The following TESC variants were observed in gnomAD, a reference collection of about 807,000 sequenced individuals.
TESC encodes tescalcin, also known as calcineurin B homologous protein 3.
Under a neutral mutation model 31.0 loss-of-function variants are expected in TESC, and 19 were observed. The observed-to-expected ratio is 0.61, with a 90% CI of 0.43 to 0.90. The LOEUF is 0.90. Ranked by LOEUF, TESC falls within the 40% of genes least tolerant of loss-of-function variation. TESC has a pLI of 0.00. For missense variants in TESC, 248 were observed against 303.8 expected (o/e 0.82, Z 1.36); for synonymous variants, 109 against 114.8 (o/e 0.95, Z 0.32).
intron 3 of TESC, among the ~76,000 whole-genome samples, chr12:117,055,692 G>A (rs939175135): frequency 8.5e-5 from 13 of 152,222 alleles, no homozygotes; most frequent in African/African-American, 3.1e-4. Flanking sequence ...CCGCCATGCT[G>A]TGGGCAGCTC....
chr12:117,055,344 T>C (rs1248274750), intron 3 of TESC, among the ~76,000 whole-genome samples: 3 of 152,140 alleles, frequency 2.0e-5, no homozygotes, highest in Non-Finnish European at 4.4e-5. Context: ...GGTTTCACCA[T>C]GTTGACCTGG....
chr12:117,069,164 T>A (rs555588684), intron 2 of TESC, among the ~76,000 whole-genome samples: 1 of 152,186 alleles, frequency 6.6e-6, no homozygotes, highest in South Asian at 2.1e-4. Flanking sequence ...TGCTTTGTGG[T>A]CTGGATGAAT....
chr12:117,081,469 C>T (rs1593020070), intron 1 of TESC, among the ~76,000 whole-genome samples: 1 of 152,172 alleles, frequency 6.6e-6, no homozygotes, highest in African/African-American at 2.4e-5. Flanking sequence ...GATTACACCT[C>T]ACATTATTAT....
chr12:117,096,903 C>T lies in TESC; in HGVS notation c.58+2322G>A, dbSNP rs12320289. On this transcript the variant is annotated intron_variant, in intron 1 of 7. Transcript: ENST00000335209. ...ATGCCCTTTCCACTGATTTGCACAC[C>T]CCTGGCTCATTCTTACTTGGATTTC... Among the ~76,000 whole-genome samples, 708 of 152,270 alleles carry T rather than the reference C, an allele frequency of 4.6e-3. 4 individuals carry two copies. The highest frequency in any genetic ancestry group is 0.016 in the African/African-American group (658 of 41,546).
chr12:117,057,174 G>A (rs1166447358), intron 2 of TESC, among the ~76,000 whole-genome samples: 1 of 151,750 alleles, frequency 6.6e-6, no homozygotes, highest in Admixed American at 6.6e-5. Flanking sequence ...ATCATAGCTC[G>A]CTGCAGCCTT....
chr12:117,043,328 GCTCT>G (rs1201266426), intron 6 of TESC, among the ~76,000 whole-genome samples: 2 of 151,962 alleles, frequency 1.3e-5, no homozygotes, highest in African/African-American at 4.8e-5. Context: ...GAGGCTCAAA[GCTCT>G]CTCTGTGACT....
rs1298227865 is a variant in TESC at position 117,075,930 on chromosome 12, T to TAC, written c.59-591_59-590insGT. On this transcript the variant is annotated intron_variant, in intron 1 of 7. Coordinates refer to ENST00000335209, the MANE Select transcript of TESC (RefSeq NM_017899.4). ...ATATATATATGTGTGTGTGTATATATATATATATATGTATATATACATATA... is the reference window on the plus strand; with the variant it reads ...ATATATATATGTGTGTGTGTATATATACATATATATATGTATATATACATATA... 6.4e-3 allele frequency among the ~76,000 whole-genome samples: 723 copies of TAC among 113,228 alleles called. 39 individuals carry two copies. Among genetic ancestry groups the TAC allele is most frequent in the African/African-American group, 0.029 (685 of 23,700 alleles). 74.3% of individuals were successfully genotyped at this position (113,228 alleles called of 152,430 possible).
At chr12:117,074,343 G>A (rs1205527179) in intron 2 of TESC, among the ~76,000 whole-genome samples, 2 of 152,142 alleles carry the variant, frequency 1.3e-5, no homozygotes, top group African/African-American at 4.8e-5. Context: ...ACTCCAGCCT[G>A]GGCAACGGAG....
intron 1 of TESC, among the ~76,000 whole-genome samples, chr12:117,088,137 C>A (rs1229515164): frequency 6.6e-6 from 1 of 151,970 alleles, no homozygotes; most frequent in Non-Finnish European, 1.5e-5. Context: ...AGGCTGTATG[C>A]CCAAACTGAG....
chr12:117,093,693 G>T (rs1428128317), intron 1 of TESC, among the ~76,000 whole-genome samples: 4 of 152,220 alleles, frequency 2.6e-5, no homozygotes, highest in African/African-American at 9.6e-5. Context: ...CGGATACGCT[G>T]CCTGGCTCAG....
intron 2 of TESC, among the ~76,000 whole-genome samples, chr12:117,058,092 C>T (rs1450041723): frequency 6.6e-6 from 1 of 152,062 alleles, no homozygotes; most frequent in Non-Finnish European, 1.5e-5. Context: ...TGGTGGCGCA[C>T]ATCTGTAATC....
At chr12:117,074,061 C>T (rs374478729) in intron 2 of TESC, among the ~76,000 whole-genome samples, 1 of 151,614 alleles carries the variant, frequency 6.6e-6, no homozygotes, top group African/African-American at 2.4e-5. Context: ...CCCATCTCTA[C>T]AAAAACTTTA....
At chr12:117,095,529 G>T (rs1955381061) in intron 1 of TESC, among the ~76,000 whole-genome samples, 1 of 152,184 alleles carries the variant, frequency 6.6e-6, no homozygotes, top group Admixed American at 6.5e-5. Flanking sequence ...TCCCTTCTTG[G>T]TTCCTAGAAA....
intron 7 of TESC, 83 bp from the exon 8 acceptor site, chr12:117,039,293 C>T: frequency 7.5e-7 from 1 of 1,327,508 alleles, no homozygotes. Flanking sequence ...CGGCCCTTCC[C>T]ACCTACCGTC....
At chr12:117,056,145 T>A (rs1384534398) in intron 3 of TESC, among the ~76,000 whole-genome samples, 1 of 152,154 alleles carries the variant, frequency 6.6e-6, no homozygotes, top group South Asian at 2.1e-4. Context: ...GGTCTTGAAC[T>A]CCTGACCTCA....
chr12:117,040,777 C>T (rs7955009), intron 7 of TESC, among the ~76,000 whole-genome samples: 52,901 of 152,054 alleles, frequency 0.35, 9,421 homozygotes, highest in Non-Finnish European at 0.39. Context: ...GCCCTGCTGC[C>T]TGCCTCTCCT....
At chr12:117,048,892 C>T (rs1954606220) in intron 4 of TESC, 127 bp downstream of exon 4, 1 of 1,466,532 alleles carries the variant, frequency 6.8e-7, no homozygotes, top group Non-Finnish European at 9.3e-7. Flanking sequence ...CTGGTGGCCC[C>T]AAGCCCTCCA....
At chr12:117,042,773 G>A (rs531734492) in intron 6 of TESC, among the ~76,000 whole-genome samples, 2 of 152,112 alleles carry the variant, frequency 1.3e-5, no homozygotes, top group African/African-American at 2.4e-5. Context: ...GCGAAAACCC[G>A]CTGACATCCC....
At chr12:117,064,817 G>A (rs770615657) in intron 2 of TESC, among the ~76,000 whole-genome samples, 1 of 152,236 alleles carries the variant, frequency 6.6e-6, no homozygotes, top group Non-Finnish European at 1.5e-5. Context: ...GTGTCCAGCT[G>A]GTGGGGAGGG....
Sources: gnomAD v4.1 joint callset for allele counts (sites outside exome capture counted in the v4.1 genomes callset) on GRCh38, gnomAD v4.1.1 for gene constraint, MANE v1.5 for transcripts, NCBI Gene and HGNC (gene_info 2026-07-23, HGNC 2026-07-21) for gene names.